Variants in SLC2A13 observed in about 807,000 individuals in gnomAD.
SLC2A13 encodes the protein proton myo-inositol cotransporter.
SLC2A13 carries 32 observed loss-of-function variants against 64.4 expected under a neutral mutation model. The observed-to-expected ratio is 0.50, with a 90% CI of 0.37 to 0.67. The LOEUF (loss-of-function observed/expected upper bound fraction) is 0.67, where lower values mean the gene tolerates loss of function less well. Among genes scored for constraint, SLC2A13 ranks in the 30% least tolerant of loss-of-function variants. The pLI is 0.00. For synonymous variants in SLC2A13, 338 were observed against 327.1 expected (o/e 1.03, Z -0.36); for missense variants, 743 against 829.2 (o/e 0.90, Z 1.28).
chr12:40,094,689 TA>T (rs1938879475), intron 1 of SLC2A13, among the ~76,000 whole-genome samples: 1 of 151,992 alleles, frequency 6.6e-6, no homozygotes, highest in Non-Finnish European at 1.5e-5. Flanking sequence ...AGAGAAGGAA[TA>T]TAGGCAACTG....
At chr12:40,066,407 A>G (rs1937727445) in intron 1 of SLC2A13, among the ~76,000 whole-genome samples, 1 of 152,238 alleles carries the variant, frequency 6.6e-6, no homozygotes, top group Non-Finnish European at 1.5e-5. Flanking sequence ...GCACTTTTAA[A>G]GAAAGCGATA....
At chr12:39,896,600 G>A (rs1446451331) in intron 4 of SLC2A13, among the ~76,000 whole-genome samples, 1 of 150,996 alleles carries the variant, frequency 6.6e-6, no homozygotes, top group Admixed American at 6.6e-5. Flanking sequence ...ATACATATAT[G>A]TATGTATATG....
chr12:39,827,480 T>A (rs1343290367), intron 7 of SLC2A13, among the ~76,000 whole-genome samples: 1 of 152,192 alleles, frequency 6.6e-6, no homozygotes, highest in Admixed American at 6.5e-5. Context: ...CTCTCACCTG[T>A]AAGGCTTATA....
At chr12:39,896,195 T>C (rs1050653148) in intron 4 of SLC2A13, among the ~76,000 whole-genome samples, 1 of 147,778 alleles carries the variant, frequency 6.8e-6, no homozygotes, top group African/African-American at 2.5e-5. Context: ...TGTATATATG[T>C]GTATGTATAC....
chr12:39,970,450 T>A (rs577196079), intron 3 of SLC2A13, among the ~76,000 whole-genome samples: 1 of 152,346 alleles, frequency 6.6e-6, no homozygotes, highest in Non-Finnish European at 1.5e-5. Context: ...CTTAGATGAT[T>A]CTTTTTTAAT....
chr12:40,031,159 G>T (rs1947896720), intron 2 of SLC2A13, among the ~76,000 whole-genome samples: 1 of 152,118 alleles, frequency 6.6e-6, no homozygotes, highest in African/African-American at 2.4e-5. Context: ...AATGGATGTG[G>T]GTGTCACTTC....
rs1394608535 is a variant in SLC2A13, at chr12:39,758,620, A to C, written c.*1406T>G. The C allele has an allele frequency of 6.6e-6, 1 of 152,030 alleles. No homozygotes were observed. Among genetic ancestry groups the C allele is most frequent in the East Asian group, 1.9e-4 (1 of 5,312 alleles). The allele number at this position is 152,030 out of a possible 1,614,324, so 9.4% of individuals were successfully genotyped here. ...TAAGAGTTCAGTGATGAATTACCAT[A>C]AAAACCAATGAATACCTTGGAAAGA... On this transcript the variant is annotated 3_prime_UTR_variant, in exon 10 of 10. Transcript: ENST00000280871.
intron 1 of SLC2A13, among the ~76,000 whole-genome samples, chr12:40,095,350 T>C (rs2136301493): frequency 6.6e-6 from 1 of 152,306 alleles, no homozygotes; most frequent in Non-Finnish European, 1.5e-5. Context: ...AAACAAAATG[T>C]AAAAAAGGCC....
chr12:39,763,199 AAT>A (rs1940228237), intron 9 of SLC2A13, among the ~76,000 whole-genome samples: 1 of 152,036 alleles, frequency 6.6e-6, no homozygotes, highest in African/African-American at 2.4e-5. Flanking sequence ...GAATATACTA[AAT>A]ATATATCCAG....
At chr12:40,090,649 C>T (rs1235538521) in intron 1 of SLC2A13, among the ~76,000 whole-genome samples, 1 of 152,152 alleles carries the variant, frequency 6.6e-6, no homozygotes, top group East Asian at 1.9e-4. Flanking sequence ...ATAATCCAGA[C>T]TCTAATGATC....
chr12:40,067,904 A>C (rs1342213496), intron 1 of SLC2A13, among the ~76,000 whole-genome samples: 2 of 151,892 alleles, frequency 1.3e-5, no homozygotes, highest in Admixed American at 1.3e-4. Flanking sequence ...AAAATTGCTT[A>C]TTCTTTTTTT....
intron 5 of SLC2A13, among the ~76,000 whole-genome samples, chr12:39,869,255 T>G (rs1223676855): frequency 6.6e-6 from 1 of 152,078 alleles, no homozygotes; most frequent in Non-Finnish European, 1.5e-5. Context: ...GTTAACAAGG[T>G]TGTTGAATGG....
intron 4 of SLC2A13, among the ~76,000 whole-genome samples, chr12:39,899,028 A>G (rs1322314523): frequency 1.3e-5 from 2 of 151,868 alleles, no homozygotes; most frequent in East Asian, 1.9e-4. Flanking sequence ...CTCTTTTTCT[A>G]TTGATTGGAA....
chr12:39,852,697 A>T (rs1943502314), intron 6 of SLC2A13, among the ~76,000 whole-genome samples: 1 of 152,262 alleles, frequency 6.6e-6, no homozygotes, highest in African/African-American at 2.4e-5. Flanking sequence ...CAAAAGGATC[A>T]GAGGCTACTC....
At chr12:39,973,894 G>C (rs1476963546) in intron 3 of SLC2A13, among the ~76,000 whole-genome samples, 1 of 152,180 alleles carries the variant, frequency 6.6e-6, no homozygotes, top group Non-Finnish European at 1.5e-5. Context: ...TTTTTGGAAA[G>C]AGTTTTTCTA....
At chr12:39,877,283 C>CAAAG (rs1450335340) in intron 4 of SLC2A13, among the ~76,000 whole-genome samples, 1 of 152,062 alleles carries the variant, frequency 6.6e-6, no homozygotes, top group Non-Finnish European at 1.5e-5. Flanking sequence ...CAAAGGAGAG[C>CAAAG]AAAGGTATGT....
intron 7 of SLC2A13, among the ~76,000 whole-genome samples, chr12:39,769,466 A>T (rs1028013386): frequency 3.3e-5 from 5 of 151,996 alleles, no homozygotes; most frequent in African/African-American, 1.2e-4. Context: ...TTGAACATCA[A>T]TTTTTCTCTA....
chr12:39,798,565 T>A (rs1941661450), intron 7 of SLC2A13, among the ~76,000 whole-genome samples: 1 of 152,208 alleles, frequency 6.6e-6, no homozygotes, highest in South Asian at 2.1e-4. Context: ...GCTTCAACTG[T>A]TTCTAACTGT....
rs1478465818 is a variant in SLC2A13 at position 39,759,516 on chromosome 12, A to C, written c.*510T>G. 2 of 152,922 alleles carry C rather than the reference A, an allele frequency of 1.3e-5. No individual in the cohort carries two copies. Among genetic ancestry groups the C allele is most frequent in the Non-Finnish European group, 2.9e-5 (2 of 68,254 alleles). The allele number at this position is 152,922 out of a possible 1,614,324, so 9.5% of individuals were successfully genotyped here. On this transcript the variant is annotated 3_prime_UTR_variant, in exon 10 of 10. Coordinates refer to ENST00000280871, the MANE Select transcript of SLC2A13 (RefSeq NM_052885.4). ...AGGCACTTTGGAATTTGTTGATGAA[A>C]GCTTACATGGAATTTAGTTTGTAAC...
Sources: allele counts gnomAD v4.1 joint callset (sites outside exome capture counted in the v4.1 genomes callset), GRCh38; gene constraint gnomAD v4.1.1; transcripts MANE v1.5; gene names NCBI Gene and HGNC (gene_info 2026-07-23, HGNC 2026-07-21).